TNRC18: variants seen among roughly 807,000 people sequenced by gnomAD.
TNRC18 encodes trinucleotide repeat containing 18.
Under a neutral mutation model 226.7 loss-of-function variants are expected in TNRC18, and 69 were observed. The observed-to-expected ratio is 0.30, with a 90% confidence interval of 0.25 to 0.37. The LOEUF (loss-of-function observed/expected upper bound fraction) is 0.37, where lower values mean the gene tolerates loss of function less well. TNRC18 is among the 10% of genes least tolerant of loss of function. The probability of loss-of-function intolerance (pLI) is 1.00; values close to 1 mark genes in which losing one functional copy is unlikely to be tolerated. For synonymous variants in TNRC18, 2,449 were observed against 1,927.6 expected (o/e 1.27, Z -7.09); for missense variants, 4,754 against 4,256.6 (o/e 1.12, Z -3.25).
At position 5,379,609 on chromosome 7, in the gene TNRC18, G is replaced by A. The variant is rs149157422; in HGVS notation, c.2153-1585C>T. 4.1e-4 allele frequency among the ~76,000 whole-genome samples: 63 copies of A among 152,266 alleles called. 1 individual carries two copies. The highest frequency in any genetic ancestry group is 1.0e-3 in the African/African-American group (43 of 41,574). ...GGAGCGGCGGAGTGGCAGGAGCCCCGTCTGGCCCTCCTGGTACCTCCTTGT... is the reference window on the plus strand; with the variant it reads ...GGAGCGGCGGAGTGGCAGGAGCCCCATCTGGCCCTCCTGGTACCTCCTTGT... On this transcript the variant is annotated intron_variant, in intron 5 of 29. Coordinates refer to ENST00000430969, the MANE Select transcript of TNRC18 (RefSeq NM_001080495.3).
chr7:5,341,418 C>T (rs1050626151), intron 18 of TNRC18, among the ~76,000 whole-genome samples: 1 of 85,096 alleles, frequency 1.2e-5, no homozygotes, highest in African/African-American at 4.9e-5. Context: ...GACTCCATCT[C>T]AAAAAAAAAA....
At position 5,361,718 on chromosome 7, in the gene TNRC18, T is replaced by C; in HGVS notation, c.4537A>G (p.Arg1513Gly). ...AAGCTTCTATGGGGTTCCTCGCGCC[T>C]GTCCCTTAAAAAGAATCACACGCTT... Reference protein sequence around the residue: ...KLQRRRDSEDRREEPHRSLAR... With the variant: ...KLQRRRDSEDGREEPHRSLAR... The change falls in exon 14 of 30, where the codon AGG becomes GGG. Residue 1513 changes from arginine (R) to glycine (G), a missense_variant. Transcript: ENST00000430969. The C allele has an allele frequency of 6.4e-7, 1 of 1,564,706 alleles. No homozygotes were observed. The highest frequency in any genetic ancestry group is 1.4e-5 in the African/African-American group (1 of 73,406).
chr7:5,316,304 A>G (rs547421365), intron 24 of TNRC18, among the ~76,000 whole-genome samples: 2 of 106,984 alleles, frequency 1.9e-5, no homozygotes, highest in Admixed American at 1.2e-4. Flanking sequence ...TTTGAGACAG[A>G]GTTTCGCTGT....
rs1378552456 is a variant in TNRC18, at chr7:5,388,955, TC to T, written c.868del (p.Asp290ThrfsTer300). The T allele has an allele frequency of 9.4e-6, 13 of 1,386,176 alleles. No individual in the cohort carries two copies. The highest frequency in any genetic ancestry group is 3.7e-5 in the East Asian group (1 of 27,086). The allele number at this position is 1,386,176 out of a possible 1,614,324, so 85.9% of individuals were successfully genotyped here. On this transcript the variant is annotated frameshift_variant, in exon 5 of 30. Coordinates refer to ENST00000430969, the MANE Select transcript of TNRC18 (RefSeq NM_001080495.3). LOFTEE classifies it high-confidence loss of function. ...VLTMCNGGAG[D>X]VGLPALVAEA... ...GGCCACCAGCGCGGGCAGCCCCACG[TC>T]CCCGGCGCCGCCGTTGCACATGGTC...
chr7:5,308,486 C>T (rs1185453500), intron 29 of TNRC18, among the ~76,000 whole-genome samples, 174 bp from the exon 30 acceptor site: 1 of 151,652 alleles, frequency 6.6e-6, no homozygotes, highest in Non-Finnish European at 1.5e-5. Flanking sequence ...AGACAGAGAC[C>T]GAGAGATGGA....
chr7:5,385,466 G>T (rs1323437259), intron 5 of TNRC18, among the ~76,000 whole-genome samples: 2 of 128,732 alleles, frequency 1.6e-5, no homozygotes, highest in African/African-American at 2.8e-5. Flanking sequence ...CCGCAGTCCG[G>T]CCTGGGCGAC....
In TNRC18 at chr7:5,312,992, G is replaced by A. The variant is rs1374479100; in HGVS notation, c.7899C>T (p.Ser2633=). 1.0e-5 allele frequency: 10 copies of A among 999,814 alleles called. No individual in the cohort carries two copies. In the Admixed American group the frequency reaches 1.0e-4, roughly 10 times the overall value. The allele number at this position is 999,814 out of a possible 1,614,324, so 61.9% of individuals were successfully genotyped here. The change falls in exon 27 of 30, where the codon TCC becomes TCT. Residue 2633 remains serine (S), a synonymous_variant. Coordinates refer to ENST00000430969, the MANE Select transcript of TNRC18 (RefSeq NM_001080495.3). This position sits in a 1 kb window ranked among gnomAD's most constrained non-coding sequence, Gnocchi z 6.3. ...AGGAGGAGGAGGAAGAGGAGGAGGA[G>A]GAAGAGGAGGATGAGGAGGAGGAGG... ...SSSSSSSSSS[S]SSSSSSSSSS...
At chr7:5,358,196 T>C (rs1361076688) in intron 15 of TNRC18, among the ~76,000 whole-genome samples, 1 of 152,164 alleles carries the variant, frequency 6.6e-6, no homozygotes, top group African/African-American at 2.4e-5. Flanking sequence ...AAGTGTTCCT[T>C]GGATGCCTGA....
chr7:5,343,959 A>C (rs1181875135), intron 18 of TNRC18, among the ~76,000 whole-genome samples: 2 of 152,240 alleles, frequency 1.3e-5, no homozygotes, highest in Non-Finnish European at 2.9e-5. Context: ...AATAACAAAG[A>C]GTAGAAACCA....
At position 5,314,869 on chromosome 7, in the gene TNRC18, G is replaced by A. The variant is rs114316332; in HGVS notation, c.7027+115C>T. On this transcript the variant is annotated intron_variant, in intron 26 of 29. Coordinates refer to ENST00000430969, the MANE Select transcript of TNRC18 (RefSeq NM_001080495.3). ...ATTACAGGTGTGAGGCACTGCACCC[G>A]GCTCAGAGTTCTTACAGACAGCAGG... 3.8e-3 allele frequency: 4,548 copies of A among 1,199,160 alleles called. 134 individuals are homozygous for A. In the African/African-American group the frequency reaches 0.063, roughly 17 times the overall value. The allele number at this position is 1,199,160 out of a possible 1,614,324, so 74.3% of individuals were successfully genotyped here.
At chr7:5,323,343 C>T (rs1788569700) in intron 21 of TNRC18, among the ~76,000 whole-genome samples, 2 of 150,980 alleles carry the variant, frequency 1.3e-5, no homozygotes, top group South Asian at 4.2e-4. Flanking sequence ...CCCCCCACCC[C>T]CACACCTGTC....
At chr7:5,359,786 G>T (rs116288745) in intron 14 of TNRC18, among the ~76,000 whole-genome samples, 5 of 152,082 alleles carry the variant, frequency 3.3e-5, no homozygotes, top group African/African-American at 1.2e-4. Flanking sequence ...GTGAAAGAAG[G>T]AAGAAAGCAT....
chr7:5,314,346 C>T (rs1360245345), intron 26 of TNRC18, among the ~76,000 whole-genome samples: 1 of 152,038 alleles, frequency 6.6e-6, no homozygotes, highest in African/African-American at 2.4e-5. Context: ...CCTCCTTCGG[C>T]GGTTCCCCTA....
At position 5,341,983 on chromosome 7, in the gene TNRC18, C is replaced by T. The variant is rs187573373; in HGVS notation, c.5719+3579G>A. Among the ~76,000 whole-genome samples, 36 of 152,276 alleles carry T rather than the reference C, an allele frequency of 2.4e-4. No homozygotes were observed. The East Asian group carries it at 2.7e-3, about 11-fold the overall frequency. ...AATGTTGGTTCCATGCCTGCTAGCA[C>T]GGCGCCCATTCTGCAGCCCATAGAT... On this transcript the variant is annotated intron_variant, in intron 18 of 29. Transcript: ENST00000430969.
intron 29 of TNRC18, among the ~76,000 whole-genome samples, chr7:5,308,644 CAG>C (rs949671584): frequency 8.5e-5 from 13 of 152,168 alleles, no homozygotes; most frequent in African/African-American, 3.1e-4. Context: ...CAAGAATGGC[CAG>C]AGACTCAGAG....
rs1194642053 is a variant in TNRC18, at chr7:5,325,169, G to A, written c.6227C>T (p.Ala2076Val). The A allele has an allele frequency of 3.2e-6, 5 of 1,553,098 alleles. No individual in the cohort carries two copies. In the African/African-American group the frequency reaches 5.5e-5, roughly 17 times the overall value. ...AGCGGTCAGGGAGCTGGCGTGAGGA[G>A]CCCTGGCCTCAGAGGGCAAGGCAGG... ...RAPALPSEAR[A>V]PHASSLTAAK... Residue 2076 changes from alanine (A) to valine (V), a missense_variant, in exon 20 of 30, where the codon GCT becomes GTT. By Grantham distance (64) the Ala-to-Val change is moderately conservative. Coordinates refer to ENST00000430969, the MANE Select transcript of TNRC18 (RefSeq NM_001080495.3).
At position 5,374,219 on chromosome 7, in the gene TNRC18, G is replaced by A. The variant is rs1794420257; in HGVS notation, c.3065C>T (p.Ala1022Val). 1.3e-6 allele frequency: 2 copies of A among 1,491,984 alleles called. No individual in the cohort carries two copies. Among genetic ancestry groups the A allele is most frequent in the African/African-American group, 1.4e-5 (1 of 70,492 alleles). 92.4% of individuals were successfully genotyped at this position (1,491,984 alleles called of 1,614,324 possible). The change falls in exon 10 of 30, where the codon GCC becomes GTC. Residue 1022 changes from alanine to valine, a missense_variant. Transcript: ENST00000430969. ...GTGGGAGCTGGGGGTGGCGGGGTAG[G>A]CGTAGGCGGGTGGCTTGGACACGTC... ...LEDVSKPPAYAYPATPSSHPT... is the reference protein window; with the variant it reads ...LEDVSKPPAYVYPATPSSHPT...
intron 18 of TNRC18, among the ~76,000 whole-genome samples, chr7:5,334,754 C>A (rs552121617): frequency 6.6e-6 from 1 of 152,034 alleles, no homozygotes; most frequent in Non-Finnish European, 1.5e-5. Context: ...GAACACCTGG[C>A]GTACGTAATC....
At position 5,316,354 on chromosome 7, in the gene TNRC18, G is replaced by A. The variant is rs185283215; in HGVS notation, c.6746-282C>T. On this transcript the variant is annotated intron_variant, in intron 24 of 29. Coordinates refer to ENST00000430969, the MANE Select transcript of TNRC18 (RefSeq NM_001080495.3). ...GAGTGCAATGGCATGATCTTGGCTC[G>A]CCGCAACCTCCGCCTCCCGGGTTCA... Among the ~76,000 whole-genome samples, 281 of 139,148 alleles carry A rather than the reference G, an allele frequency of 2.0e-3. 1 individual carries two copies. Among genetic ancestry groups the A allele is most frequent in the African/African-American group, 6.9e-3 (257 of 37,470 alleles). The allele number at this position is 139,148 out of a possible 152,430, so 91.3% of individuals were successfully genotyped here.
Sources: allele counts gnomAD v4.1 joint callset (sites outside exome capture counted in the v4.1 genomes callset), GRCh38; gene constraint gnomAD v4.1.1; non-coding constraint Gnocchi (gnomAD v3.1); transcripts MANE v1.5; gene names NCBI Gene and HGNC (gene_info 2026-07-23, HGNC 2026-07-21).